FHAD1: variants seen among roughly 807,000 people sequenced by gnomAD.
The protein encoded by FHAD1 is forkhead associated phosphopeptide binding domain 1, also known as forkhead-associated domain-containing protein 1.
FHAD1 carries 146 observed loss-of-function variants against 191.3 expected under a neutral mutation model. The ratio of observed to expected loss-of-function variants is 0.76; its 90% CI spans 0.67 to 0.88. The LOEUF (loss-of-function observed/expected upper bound fraction) is 0.88. FHAD1 is among the 40% of genes least tolerant of loss of function. The pLI is 0.00. For missense variants in FHAD1, 1,635 were observed against 1,785.8 expected, an observed-to-expected ratio of 0.92 and a Z score of 1.52; for synonymous variants, 616 against 672.3, an observed-to-expected ratio of 0.92 and a Z score of 1.29.
intron 2 of FHAD1, among the ~76,000 whole-genome samples, chr1:15,252,967 CAG>C (rs1274997171): frequency 1.3e-5 from 2 of 152,152 alleles, no homozygotes; most frequent in East Asian, 3.9e-4. Context: ...CTGTGAGAAG[CAG>C]ATCTCTTTCA....
At position 15,328,434 on chromosome 1, in the gene FHAD1, C is replaced by A; in HGVS notation, c.1710+5C>A. Reference sequence around the variant, plus strand: ...ACGTCGCTGGACAGCTGCCAGGTGGCCCCTCCTTACGCTTTCCACAAATGG... The same window carrying A: ...ACGTCGCTGGACAGCTGCCAGGTGGACCCTCCTTACGCTTTCCACAAATGG... On this transcript the variant is annotated splice_donor_5th_base_variant and intron_variant, in intron 13 of 33. Transcript: ENST00000688493. 6.6e-7 allele frequency: 1 copy of A among 1,504,430 alleles called. No homozygotes were observed. The highest frequency in any genetic ancestry group is 8.9e-7 in the Non-Finnish European group (1 of 1,126,604). 93.2% of individuals were successfully genotyped at this position (1,504,430 alleles called of 1,614,324 possible). A position where few individuals can be genotyped will look rare whatever the true frequency, so the allele number is the denominator to read the frequency against.
intron 2 of FHAD1, among the ~76,000 whole-genome samples, chr1:15,271,559 C>T (rs143490506): frequency 4.6e-5 from 7 of 152,278 alleles, no homozygotes; most frequent in South Asian, 2.1e-4. Flanking sequence ...TTTTGAAAAG[C>T]GGGCCATCTG....
chr1:15,334,510 T>A (rs1683165846), intron 14 of FHAD1: 1 of 152,254 alleles, frequency 6.6e-6, no homozygotes, highest in Non-Finnish European at 1.5e-5. Context: ...AGGCTTGAAT[T>A]TCAGCTGTGC....
At chr1:15,344,716 T>C (rs574589131) in intron 16 of FHAD1, among the ~76,000 whole-genome samples, 20 of 152,242 alleles carry the variant, frequency 1.3e-4, no homozygotes, top group Non-Finnish European at 2.5e-4. Context: ...TGTAAGCCTG[T>C]TTCCTCCTCT....
At chr1:15,354,124 A>C (rs372364166) in intron 20 of FHAD1, among the ~76,000 whole-genome samples, 3 of 152,202 alleles carry the variant, frequency 2.0e-5, no homozygotes, top group African/African-American at 7.2e-5. Flanking sequence ...ATTCACATCA[A>C]CCTTGGATCA....
In FHAD1 at chr1:15,317,924, G is replaced by A; in HGVS notation, c.1361G>A (p.Ser454Asn). 1.3e-6 allele frequency: 2 copies of A among 1,549,410 alleles called. No individual in the cohort carries two copies. Among genetic ancestry groups the A allele is most frequent in the African/African-American group, 2.7e-5 (2 of 73,136 alleles). Reference sequence around the variant, plus strand: ...ATCTCTAGGACTCTGAGAGAAAAAAGCAAGGTACGTAGTGGACAACAGGCC... The same window carrying A: ...ATCTCTAGGACTCTGAGAGAAAAAAACAAGGTACGTAGTGGACAACAGGCC... ...SVISRTLREK[S>N]KVEEKLQEDS... Residue 454 changes from serine (S) to asparagine (N), a missense_variant, in exon 10 of 34, where the codon AGC (serine) becomes AAC (asparagine). Ser to Asn is a conservative substitution (Grantham distance 46). Coordinates refer to ENST00000688493, the MANE Select transcript of FHAD1 (RefSeq NM_001391957.1).
At chr1:15,244,345 T>C (rs892244680), upstream of FHAD1, among the ~76,000 whole-genome samples, 3 of 152,176 alleles carry the variant, frequency 2.0e-5, no homozygotes, top group African/African-American at 7.2e-5. The surrounding 1 kb of genome is among the most constrained non-coding windows in gnomAD (Gnocchi z 5.1). Flanking sequence ...TTGTTTTTCA[T>C]TGAGATATCA....
At chr1:15,307,921 A>G (rs1338518968) in intron 6 of FHAD1, among the ~76,000 whole-genome samples, 1 of 152,076 alleles carries the variant, frequency 6.6e-6, no homozygotes, top group East Asian at 1.9e-4. Context: ...TAGTAGAGAC[A>G]GGGTTTCACC....
At chr1:15,279,540 C>T (rs1224189226) in intron 3 of FHAD1, among the ~76,000 whole-genome samples, 1 of 130,036 alleles carries the variant, frequency 7.7e-6, no homozygotes, top group Admixed American at 8.7e-5. Flanking sequence ...TTAAACTTTC[C>T]GATCCTTAAA....
intron 10 of FHAD1, among the ~76,000 whole-genome samples, chr1:15,320,417 G>A: frequency 6.6e-6 from 1 of 152,218 alleles, no homozygotes; most frequent in South Asian, 2.1e-4. Flanking sequence ...TTTTGTCTGT[G>A]TGTTTTGTCA....
intron 33 of FHAD1, among the ~76,000 whole-genome samples, chr1:15,396,385 C>T (rs1397784730): frequency 6.6e-6 from 1 of 151,860 alleles, no homozygotes; most frequent in African/African-American, 2.4e-5. Context: ...GAAGGGTGCA[C>T]CCCAAAACCT....
chr1:15,324,617 G>C, intron 11 of FHAD1, 58 bp downstream of exon 11: 7 of 1,250,126 alleles, frequency 5.6e-6, no homozygotes, highest in Non-Finnish European at 8.0e-6. Flanking sequence ...TTGCACCCAA[G>C]CAGCCAGTGG....
chr1:15,340,272 T>C (rs920751604), intron 15 of FHAD1, among the ~76,000 whole-genome samples: 3 of 152,368 alleles, frequency 2.0e-5, no homozygotes, highest in Admixed American at 6.5e-5. Context: ...TGATAGCTAT[T>C]GCCATAATAG....
At chr1:15,292,046 G>A (rs1003481567) in intron 4 of FHAD1, among the ~76,000 whole-genome samples, 2 of 152,200 alleles carry the variant, frequency 1.3e-5, no homozygotes, top group Non-Finnish European at 2.9e-5. Context: ...TGGCTGAATT[G>A]TGTTCTCTCA....
At chr1:15,336,442 C>T (rs560453573) in intron 14 of FHAD1, among the ~76,000 whole-genome samples, 15 of 152,222 alleles carry the variant, frequency 9.9e-5, no homozygotes, top group East Asian at 9.7e-4. Flanking sequence ...CCATTATCCC[C>T]ACTAGGTCTT....
At position 15,324,566 on chromosome 1, in the gene FHAD1, A is replaced by G. The variant is rs3765356; in HGVS notation, c.1473+7A>G. The G allele has an allele frequency of 0.32, 487,685 of 1,541,700 alleles. 79,247 individuals carry two copies. The highest frequency in any genetic ancestry group is 0.39 in the African/African-American group (28,445 of 72,790). On this transcript the variant is annotated splice_region_variant and intron_variant, in intron 11 of 33. Transcript: ENST00000688493. Reference sequence around the variant, plus strand: ...GGAGAGGGCAGTAGGTCAGGTAGGCATGTTCCAGAGCCCCCCTCATTGGCC... The same window carrying G: ...GGAGAGGGCAGTAGGTCAGGTAGGCGTGTTCCAGAGCCCCCCTCATTGGCC...
intron 23 of FHAD1, among the ~76,000 whole-genome samples, chr1:15,365,108 G>T (rs1223793704): frequency 6.6e-6 from 1 of 152,194 alleles, no homozygotes; most frequent in Non-Finnish European, 1.5e-5. Flanking sequence ...AGGGGCTGCT[G>T]AGAGAACAAA....
intron 1 of FHAD1, among the ~76,000 whole-genome samples, chr1:15,237,951 T>C (rs1234849225): frequency 6.6e-6 from 1 of 152,028 alleles, no homozygotes; most frequent in Non-Finnish European, 1.5e-5. Flanking sequence ...GCAAAATGCC[T>C]AAGATAGGAG....
chr1:15,376,553 AG>A (rs1396379476), intron 28 of FHAD1, among the ~76,000 whole-genome samples: 1 of 152,214 alleles, frequency 6.6e-6, no homozygotes, highest in African/African-American at 2.4e-5. Context: ...CTAGAGTCAG[AG>A]GGACCTGTGT....
Sources: allele counts gnomAD v4.1 joint callset (sites outside exome capture counted in the v4.1 genomes callset), GRCh38; gene constraint gnomAD v4.1.1; non-coding constraint Gnocchi (gnomAD v3.1); transcripts MANE v1.5; gene names NCBI Gene and HGNC (gene_info 2026-07-23, HGNC 2026-07-21).